The following FBLN1 variants were observed in gnomAD, a reference collection of about 807,000 sequenced individuals.
FBLN1 encodes fibulin-1.
In FBLN1, 34 loss-of-function variants were observed where a neutral mutation model predicts 89.7. The ratio of observed to expected loss-of-function variants is 0.38; its 90% CI spans 0.29 to 0.50. The LOEUF is 0.50. Ranked by LOEUF, FBLN1 falls within the 20% of genes least tolerant of loss-of-function variation. The pLI, the probability that FBLN1 is intolerant of heterozygous loss-of-function variation, is 0.92. For synonymous variants in FBLN1, 393 were observed against 391.3 expected (o/e 1.00, Z -0.05); for missense variants, 777 against 988.1 (o/e 0.79, Z 2.86).
At chr22:45,533,692 T>G (rs911073753) in intron 6 of FBLN1, 69 bp from the exon 7 acceptor site, 7 of 1,579,026 alleles carry the variant, frequency 4.4e-6, no homozygotes, top group Non-Finnish European at 6.0e-6. Context: ...TTTGGCACAT[T>G]CCTTTCTAGG....
chr22:45,560,653 A>C (rs1008170756), intron 14 of FBLN1, among the ~76,000 whole-genome samples: 2 of 152,182 alleles, frequency 1.3e-5, no homozygotes, highest in Non-Finnish European at 2.9e-5. Context: ...ATCCAACGCT[A>C]TGTTCCTTCC....
At chr22:45,516,294 G>T (rs1187519175) in intron 1 of FBLN1, among the ~76,000 whole-genome samples, 1 of 151,656 alleles carries the variant, frequency 6.6e-6, no homozygotes, top group East Asian at 1.9e-4. Context: ...AGGGTGAAGG[G>T]GGTAGGGGGA....
Position 45,533,076 on chromosome 22 carries a change from C to T in FBLN1, c.558C>T (p.Cys186=), listed in dbSNP as rs779311503. Reference sequence around the variant, plus strand: ...CTGTGCTTCCAGGAGGCGGGCCCTGCAAGCAGCAGTGCCGAGACACGGGTG... The same window carrying T: ...CTGTGCTTCCAGGAGGCGGGCCCTGTAAGCAGCAGTGCCGAGACACGGGTG... The part of the protein sequence containing the change: ...LNDRCRGGGP[C]KQQCRDTGDE... The change falls in exon 6 of 17, where the codon TGC becomes TGT. Residue 186 remains cysteine, a synonymous_variant. Coordinates refer to ENST00000327858, the MANE Select transcript of FBLN1 (RefSeq NM_006486.3). The T allele has an allele frequency of 2.5e-6, 4 of 1,614,136 alleles. No individual in the cohort carries two copies. The highest frequency in any genetic ancestry group is 3.4e-6 in the Non-Finnish European group (4 of 1,179,964).
At chr22:45,541,850 C>T (rs949173808) in intron 9 of FBLN1, among the ~76,000 whole-genome samples, 1 of 152,230 alleles carries the variant, frequency 6.6e-6, no homozygotes, top group Admixed American at 6.5e-5. Context: ...GCCTAGATCC[C>T]GCCAGGGAAG....
chr22:45,522,675 G>T (rs547624159), intron 2 of FBLN1, among the ~76,000 whole-genome samples: 6 of 152,292 alleles, frequency 3.9e-5, no homozygotes, highest in Non-Finnish European at 8.8e-5. Context: ...CTTGACTCTA[G>T]GTCTCCACCA....
intron 14 of FBLN1, among the ~76,000 whole-genome samples, chr22:45,567,819 A>G (rs577777175): frequency 1.3e-5 from 2 of 152,304 alleles, no homozygotes; most frequent in East Asian, 1.9e-4. Flanking sequence ...TGTGCAGGAA[A>G]AAACAGTGGC....
At chr22:45,582,336 C>T (rs1172886186) in intron 16 of FBLN1, among the ~76,000 whole-genome samples, 1 of 152,222 alleles carries the variant, frequency 6.6e-6, no homozygotes, top group Non-Finnish European at 1.5e-5. Context: ...TGCTCCCGGC[C>T]ATGGGATCTT....
At chr22:45,518,088 C>T (rs576103365) in intron 1 of FBLN1, among the ~76,000 whole-genome samples, 6 of 145,308 alleles carry the variant, frequency 4.1e-5, no homozygotes, top group South Asian at 2.1e-4. Context: ...GCTCAGATCG[C>T]GCCATTGCAC....
intron 1 of FBLN1, among the ~76,000 whole-genome samples, chr22:45,507,550 C>G (rs551329937): frequency 6.6e-6 from 1 of 152,024 alleles, no homozygotes; most frequent in Non-Finnish European, 1.5e-5. Flanking sequence ...ATTTTTGAGA[C>G]GGGGTCTCAC....
Position 45,579,060 on chromosome 22 carries a change from G to A in FBLN1, c.1972+1952G>A, listed in dbSNP as rs369272333. Among the ~76,000 whole-genome samples the A allele has an allele frequency of 1.1e-4, 16 of 152,348 alleles. No individual in the cohort carries two copies. Among genetic ancestry groups the A allele is most frequent in the East Asian group, 3.9e-4 (2 of 5,180 alleles). Reference sequence around the variant, plus strand: ...GGGGAAGTCTCCTGGCAGGTTTTACGTCTTTAGTTCCCACCTACATCCTTC... The same window carrying A: ...GGGGAAGTCTCCTGGCAGGTTTTACATCTTTAGTTCCCACCTACATCCTTC... On this transcript the variant is annotated intron_variant, in intron 16 of 16. Transcript: ENST00000327858. The surrounding 1 kb of genome is among the most constrained non-coding windows in gnomAD (Gnocchi z 5.5).
intron 11 of FBLN1, among the ~76,000 whole-genome samples, chr22:45,546,793 A>G (rs1424947291): frequency 2.6e-5 from 4 of 152,172 alleles, no homozygotes; most frequent in Non-Finnish European, 5.9e-5. Context: ...GAGAACTAGA[A>G]TGGACTCTGG....
chr22:45,537,535 G>A lies in FBLN1; in HGVS notation c.922+2198G>A, dbSNP rs957261522. ...CTCAAGATGCTGAGGCAGGAGAATCGCTTGAACCCAGGAGGTGGAGGTTGT... is the reference window on the plus strand; with the variant it reads ...CTCAAGATGCTGAGGCAGGAGAATCACTTGAACCCAGGAGGTGGAGGTTGT... On this transcript the variant is annotated intron_variant, in intron 8 of 16. Transcript: ENST00000327858. This position sits in a 1 kb window ranked among gnomAD's most constrained non-coding sequence, Gnocchi z 5.7. Among the ~76,000 whole-genome samples, 2 of 151,900 alleles carry A rather than the reference G, an allele frequency of 1.3e-5. No individual in the cohort carries two copies. Among genetic ancestry groups the A allele is most frequent in the Non-Finnish European group, 2.9e-5 (2 of 67,986 alleles).
intron 16 of FBLN1, among the ~76,000 whole-genome samples, chr22:45,591,290 C>T (rs2146663591): frequency 6.6e-6 from 1 of 152,260 alleles, no homozygotes; most frequent in African/African-American, 2.4e-5. Flanking sequence ...GAGAGACAGT[C>T]GATGTGAGTG....
At position 45,531,477 on chromosome 22, in the gene FBLN1, AC is replaced by A. The variant is rs562556100; in HGVS notation, c.544+155del. Among the ~76,000 whole-genome samples the A allele has an allele frequency of 9.2e-4, 140 of 152,274 alleles. No homozygotes were observed. The highest frequency in any genetic ancestry group is 1.5e-3 in the Non-Finnish European group (104 of 68,010). ...TGTGGCTGCAGTGAGCTATGACTGC[AC>A]CTTTGCACTCTAGCCTGGGCAACAG... On this transcript the variant is annotated intron_variant, in intron 5 of 16. Coordinates refer to ENST00000327858, the MANE Select transcript of FBLN1 (RefSeq NM_006486.3). The surrounding 1 kb of genome is among the most constrained non-coding windows in gnomAD (Gnocchi z 4.9).
intron 14 of FBLN1, among the ~76,000 whole-genome samples, chr22:45,554,388 C>T (rs146395505): frequency 0.011 from 1,727 of 152,270 alleles, 26 homozygotes; most frequent in African/African-American, 0.039. Flanking sequence ...CTGGGGCAGG[C>T]CACCGCCAGC....
intron 1 of FBLN1, 66 bp downstream of exon 1, chr22:45,503,130 C>T: frequency 9.2e-7 from 1 of 1,087,940 alleles, no homozygotes. Flanking sequence ...GCGCTCCCTG[C>T]GAGTTTCGGA....
At chr22:45,573,767 T>C (rs1290353924) in intron 14 of FBLN1, among the ~76,000 whole-genome samples, 3 of 150,318 alleles carry the variant, frequency 2.0e-5, no homozygotes, top group East Asian at 1.9e-4. Flanking sequence ...AGGGGTTGAG[T>C]TCTGTCTGGC....
At chr22:45,593,024 T>C (rs752142964) in intron 16 of FBLN1, among the ~76,000 whole-genome samples, 6 of 152,092 alleles carry the variant, frequency 3.9e-5, no homozygotes, top group South Asian at 2.1e-4. Context: ...GGCTGCACTT[T>C]AGAAGGGAAG....
Position 45,557,984 on chromosome 22 carries a change from T to C in FBLN1, c.1697+7369T>C. 1 of 707,436 alleles carries C rather than the reference T, an allele frequency of 1.4e-6. No individual in the cohort carries two copies. The highest frequency in any genetic ancestry group is 1.5e-5 in the South Asian group (1 of 67,170). 43.8% of individuals were successfully genotyped at this position (707,436 alleles called of 1,614,324 possible). ...GGGATGTCCTAGAAAGGGGCAGTAG[T>C]GCTGCAGCTGTCCACTTTCGGGTGG... On this transcript the variant is annotated intron_variant, in intron 14 of 16. Coordinates refer to ENST00000327858, the MANE Select transcript of FBLN1 (RefSeq NM_006486.3). The surrounding 1 kb of genome is among the most constrained non-coding windows in gnomAD (Gnocchi z 4.9).
Sources: gnomAD v4.1 joint callset for allele counts (sites outside exome capture counted in the v4.1 genomes callset) on GRCh38, gnomAD v4.1.1 for gene constraint, Gnocchi (gnomAD v3.1) non-coding constraint, MANE v1.5 for transcripts, NCBI Gene and HGNC (gene_info 2026-07-23, HGNC 2026-07-21) for gene names.